The following POLR2F variants were observed in gnomAD, a reference collection of about 807,000 sequenced individuals.
The protein encoded by POLR2F is RNA polymerase II, I and III subunit F, also known as DNA-directed RNA polymerases I, II, and III subunit RPABC2.
Under a neutral mutation model 22.7 loss-of-function variants are expected in POLR2F, and 12 were observed. That is an observed-to-expected ratio of 0.53 (90% CI 0.34 to 0.86). The LOEUF (loss-of-function observed/expected upper bound fraction) is 0.86, where lower values mean the gene tolerates loss of function less well. Ranked by LOEUF, POLR2F falls within the 40% of genes least tolerant of loss-of-function variation. The probability of loss-of-function intolerance (pLI) is 0.02; values close to 1 mark genes in which losing one functional copy is unlikely to be tolerated. For synonymous variants in POLR2F, 57 were observed against 66.0 expected (o/e 0.86, Z 0.66); for missense variants, 126 against 171.5 (o/e 0.73, Z 1.48).
chr22:37,987,649 C>T (rs1259859197), intron 1 of POLR2F: 1 of 298,868 alleles, frequency 3.3e-6, no homozygotes, highest in Non-Finnish European at 6.6e-6. Flanking sequence ...GAGGCTCTGC[C>T]CCAGCCTCAG....
downstream of POLR2F, among the ~76,000 whole-genome samples, chr22:38,030,863 AC>A (rs750754329): frequency 9.2e-4 from 140 of 151,636 alleles, no homozygotes; most frequent in Admixed American, 5.3e-3. Flanking sequence ...GCCCTCTCCC[AC>A]CCCACCCCCA....
chr22:37,986,623 C>T lies in POLR2F; in HGVS notation c.120+311C>T, dbSNP rs1167894987. 6 of 662,576 alleles carry T rather than the reference C, an allele frequency of 9.1e-6. No individual in the cohort carries two copies. The highest frequency in any genetic ancestry group is 1.4e-5 in the Non-Finnish European group (5 of 362,034). 41.0% of individuals were successfully genotyped at this position (662,576 alleles called of 1,614,324 possible). ...GCCACTCCCTCTCTCTCTCCCTTGT[C>T]CCCGCACAGACACTGCCTTCCTCTC... On this transcript the variant is annotated intron_variant, in intron 1 of 2. Coordinates refer to the POLR2F transcript ENST00000333418. This position sits in a 1 kb window ranked among gnomAD's most constrained non-coding sequence, Gnocchi z 4.7.
At chr22:38,036,815 C>G (rs375178051) in intron 5 of POLR2F, among the ~76,000 whole-genome samples, 64 of 152,134 alleles carry the variant, frequency 4.2e-4, no homozygotes, top group African/African-American at 1.5e-3. Context: ...ACTCCTTTTC[C>G]CACACACTGG....
intron 1 of POLR2F, among the ~76,000 whole-genome samples, chr22:38,023,188 C>T (rs1453071356): frequency 1.3e-5 from 2 of 152,176 alleles, no homozygotes; most frequent in African/African-American, 4.8e-5. Context: ...TTTTCCCAGA[C>T]AGCAGTGGGG....
chr22:38,032,765 T>C (rs1205832122), intron 5 of POLR2F: 1 of 152,450 alleles, frequency 6.6e-6, no homozygotes, highest in Admixed American at 6.5e-5. Context: ...AGCTGGGTCT[T>C]GAGGAATGAG....
upstream of POLR2F, chr22:37,986,058 T>G: frequency 7.6e-7 from 1 of 1,316,280 alleles, no homozygotes; most frequent in African/African-American, 1.5e-5. The surrounding 1 kb of genome is among the most constrained non-coding windows in gnomAD (Gnocchi z 4.7). Flanking sequence ...CAGACTCTTG[T>G]TCGGGGCCTT....
At position 38,016,401 on chromosome 22, in the gene POLR2F, ACAC is replaced by A. The variant is rs1302156864; in HGVS notation, c.121-9467_121-9465del. Reference sequence around the variant, plus strand: ...GATGCTCCAGGAAGTGCTGCGCTTGACACACGCCCCCATCCGCCACCTCCCAGA... The same window carrying A: ...GATGCTCCAGGAAGTGCTGCGCTTGAACGCCCCCATCCGCCACCTCCCAGA... On this transcript the variant is annotated intron_variant, in intron 1 of 2. Transcript: ENST00000333418. The surrounding 1 kb of genome is among the most constrained non-coding windows in gnomAD (Gnocchi z 4.4). Among the ~76,000 whole-genome samples, 2 of 152,184 alleles carry A rather than the reference ACAC, an allele frequency of 1.3e-5. No homozygotes were observed. The highest frequency in any genetic ancestry group is 3.9e-4 in the East Asian group (2 of 5,190).
intron 3 of POLR2F, among the ~76,000 whole-genome samples, chr22:37,966,651 G>A (rs1268007709): frequency 6.6e-6 from 1 of 152,048 alleles, no homozygotes; most frequent in African/African-American, 2.4e-5. Context: ...AGCTGGTGGT[G>A]TATGCCTGTA....
At chr22:37,963,019 C>T (rs967489249) in intron 3 of POLR2F, among the ~76,000 whole-genome samples, 3 of 151,328 alleles carry the variant, frequency 2.0e-5, no homozygotes, top group Non-Finnish European at 4.4e-5. Flanking sequence ...AGGAGTCTCA[C>T]TCTGTCACCC....
chr22:37,971,574 G>T (rs1002353578), downstream of POLR2F, among the ~76,000 whole-genome samples: 2 of 152,166 alleles, frequency 1.3e-5, no homozygotes, highest in Non-Finnish European at 2.9e-5. Flanking sequence ...TTAAGGAGTA[G>T]ACTGTCTGAC....
At chr22:38,037,468 A>C in intron 5 of POLR2F, among the ~76,000 whole-genome samples, 1 of 104,092 alleles carries the variant, frequency 9.6e-6, no homozygotes, top group East Asian at 2.8e-4. Flanking sequence ...AGAGATGGGG[A>C]TCTTGCTATG....
chr22:37,986,599 C>T lies in POLR2F; in HGVS notation c.120+287C>T. ...AGGAAGCCACGCTAGACAGAAGGGG[C>T]CACTCCCTCTCTCTCTCCCTTGTCC... On this transcript the variant is annotated intron_variant, in intron 1 of 2. Transcript: ENST00000333418. This position sits in a 1 kb window ranked among gnomAD's most constrained non-coding sequence, Gnocchi z 4.7. 1.4e-6 allele frequency: 1 copy of T among 698,416 alleles called. No individual in the cohort carries two copies. The highest frequency in any genetic ancestry group is 2.6e-6 in the Non-Finnish European group (1 of 387,592). 43.3% of individuals were successfully genotyped at this position (698,416 alleles called of 1,614,324 possible).
At chr22:38,036,314 G>A (rs902483683) in intron 5 of POLR2F, among the ~76,000 whole-genome samples, 7 of 151,900 alleles carry the variant, frequency 4.6e-5, no homozygotes, top group African/African-American at 7.3e-5. Context: ...TGATGTCACG[G>A]CACCATGAGG....
chr22:37,987,516 C>T (rs1035071013), intron 1 of POLR2F: 9 of 354,036 alleles, frequency 2.5e-5, no homozygotes, highest in Admixed American at 7.5e-5. Flanking sequence ...TCACCTGTCA[C>T]GTGGGGCGAT....
chr22:38,017,005 G>GC lies in POLR2F; in HGVS notation c.121-8858dup, dbSNP rs1237788064. On this transcript the variant is annotated intron_variant, in intron 1 of 2. Transcript: ENST00000333418. This position sits in a 1 kb window ranked among gnomAD's most constrained non-coding sequence, Gnocchi z 4.1. ...GGGGGGCAGCGCAAGGGGCCAGCCA[G>GC]CCCCCCACCCCAGCCTCTGCTGCCT... Among the ~76,000 whole-genome samples, 1 of 152,102 alleles carries GC rather than the reference G, an allele frequency of 6.6e-6. No individual in the cohort carries two copies. Among genetic ancestry groups the GC allele is most frequent in the Admixed American group, 6.5e-5 (1 of 15,284 alleles).
chr22:37,972,238 A>G (rs1037984581), downstream of POLR2F: 2 of 1,301,916 alleles, frequency 1.5e-6, no homozygotes, highest in Non-Finnish European at 2.0e-6. Context: ...AGCTACTTCC[A>G]GAAAGCATTT....
At chr22:38,041,725 C>A (rs901823788), downstream of POLR2F, 1 of 152,386 alleles carries the variant, frequency 6.6e-6, no homozygotes, top group African/African-American at 2.4e-5. Flanking sequence ...TGGGCTGGGG[C>A]TGGGGGCTGG....
In POLR2F at chr22:38,017,788, A is replaced by G. The variant is rs1323161253; in HGVS notation, c.121-8081A>G. On this transcript the variant is annotated intron_variant, in intron 1 of 2. Coordinates refer to the POLR2F transcript ENST00000333418. This position sits in a 1 kb window ranked among gnomAD's most constrained non-coding sequence, Gnocchi z 4.1. ...CACATGGCTTGCTCTGTCCTTGCCC[A>G]GCCCAGGCGTTTGGGAAGTTCTTTC... 6.6e-6 allele frequency among the ~76,000 whole-genome samples: 1 copy of G among 152,178 alleles called. No individual in the cohort carries two copies. Among genetic ancestry groups the G allele is most frequent in the East Asian group, 1.9e-4 (1 of 5,192 alleles).
At chr22:38,015,165 C>A (rs2084906039) in intron 1 of POLR2F, among the ~76,000 whole-genome samples, 1 of 152,138 alleles carries the variant, frequency 6.6e-6, no homozygotes. Context: ...TCTTGGTGTG[C>A]TTTGAAGGTA....
Sources: gnomAD v4.1 joint callset for allele counts (sites outside exome capture counted in the v4.1 genomes callset) on GRCh38, gnomAD v4.1.1 for gene constraint, Gnocchi (gnomAD v3.1) non-coding constraint, MANE v1.5 for transcripts, NCBI Gene and HGNC (gene_info 2026-07-23, HGNC 2026-07-21) for gene names.